CCNI: variants seen among roughly 807,000 people sequenced by gnomAD.
The protein encoded by CCNI is cyclin I.
A neutral mutation model predicts 34.1 loss-of-function variants in CCNI; 14 were observed. The observed-to-expected ratio is 0.41, with a 90% CI of 0.27 to 0.64. The LOEUF (loss-of-function observed/expected upper bound fraction) is 0.64. CCNI is among the 30% of genes least tolerant of loss of function. The pLI, the probability that CCNI is intolerant of heterozygous loss-of-function variation, is 0.31. For missense variants in CCNI, 385 were observed against 440.5 expected, an observed-to-expected ratio of 0.87 and a Z score of 1.13; for synonymous variants, 154 against 158.4, an observed-to-expected ratio of 0.97 and a Z score of 0.21.
chr4:77,063,933 AT>A (rs1223988825), intron 2 of CCNI, among the ~76,000 whole-genome samples: 4 of 151,984 alleles, frequency 2.6e-5, no homozygotes, highest in African/African-American at 9.7e-5. Context: ...ACCAGTATTC[AT>A]TAAATCACCT....
chr4:77,071,707 T>C (rs1382413133), intron 1 of CCNI, among the ~76,000 whole-genome samples: 1 of 152,112 alleles, frequency 6.6e-6, no homozygotes, highest in African/African-American at 2.4e-5. Context: ...TATAAAGGAA[T>C]TTATGAACAA....
chr4:77,069,284 G>A (rs1250178990), intron 1 of CCNI, among the ~76,000 whole-genome samples: 2 of 152,056 alleles, frequency 1.3e-5, no homozygotes, highest in African/African-American at 2.4e-5. Context: ...AGGCGTGGTG[G>A]CACGTGCCTG....
intron 1 of CCNI, 93 bp downstream of exon 1, chr4:77,075,379 A>T: frequency 2.5e-6 from 1 of 394,708 alleles, no homozygotes; most frequent in Non-Finnish European, 3.4e-6. Flanking sequence ...GGGCGCTGCC[A>T]CGGGGGCGGC....
At chr4:77,060,620 G>A (rs1176874346) in intron 2 of CCNI, among the ~76,000 whole-genome samples, 1 of 148,404 alleles carries the variant, frequency 6.7e-6, no homozygotes, top group East Asian at 2.0e-4. Flanking sequence ...CACCAGGCCC[G>A]GCTAATTTTT....
Position 77,055,357 on chromosome 4 carries a change from A to G in CCNI, c.483T>C (p.Thr161=). ...LHIFHAIAVS[T]RPQLLFSLPK... ...GCAAACTGAAAAGTAACTGAGGCCT[A>G]GTTGACACTGCAATGGCATGGAACT... The change falls in exon 6 of 7, where the codon ACT becomes ACC. Residue 161 remains threonine, a synonymous_variant. Transcript: ENST00000237654. The G allele has an allele frequency of 6.2e-7, 1 of 1,613,546 alleles. No homozygotes were observed. The highest frequency in any genetic ancestry group is 1.1e-5 in the South Asian group (1 of 91,054).
chr4:77,065,500 A>C (rs1728968540), intron 2 of CCNI, among the ~76,000 whole-genome samples: 1 of 152,256 alleles, frequency 6.6e-6, no homozygotes, highest in East Asian at 1.9e-4. Flanking sequence ...CCAGCTGGCT[A>C]TCTTCTAAAA....
chr4:77,055,540 G>A (rs533403332), intron 5 of CCNI, among the ~76,000 whole-genome samples, 160 bp from the exon 6 acceptor site: 105 of 148,372 alleles, frequency 7.1e-4, no homozygotes, highest in Middle Eastern at 3.5e-3. Flanking sequence ...TCAACTCACT[G>A]CAACATCCGC....
At position 77,047,963 on chromosome 4, in the gene CCNI, T is replaced by C; in HGVS notation, c.*256A>G. The C allele has an allele frequency of 3.0e-6, 1 of 335,184 alleles. No individual in the cohort carries two copies. Among genetic ancestry groups the C allele is most frequent in the South Asian group, 6.6e-5 (1 of 15,138 alleles). The allele number at this position is 335,184 out of a possible 1,614,324, so 20.8% of individuals were successfully genotyped here. A position where few individuals can be genotyped will look rare whatever the true frequency, so the allele number is the denominator to read the frequency against. ...CAGAAAAAAAGTGCAACTGACATACTACAAAGAGATTTTTTAAGTTTAAAA... is the reference window on the plus strand; with the variant it reads ...CAGAAAAAAAGTGCAACTGACATACCACAAAGAGATTTTTTAAGTTTAAAA... On this transcript the variant is annotated 3_prime_UTR_variant, in exon 7 of 7. Coordinates refer to ENST00000237654, the MANE Select transcript of CCNI (RefSeq NM_006835.3).
At chr4:77,059,222 C>T (rs529882243) in intron 2 of CCNI, among the ~76,000 whole-genome samples, 1 of 151,970 alleles carries the variant, frequency 6.6e-6, no homozygotes, top group East Asian at 1.9e-4. Flanking sequence ...TCCACAAACA[C>T]AAAACATTAT....
At chr4:77,073,994 CCT>C (rs1491423736) in intron 1 of CCNI, among the ~76,000 whole-genome samples, 5 of 141,388 alleles carry the variant, frequency 3.5e-5, no homozygotes, top group Non-Finnish European at 1.6e-5. Context: ...TGTGGAAAGC[CCT>C]TTTTTTCTAG....
At chr4:77,050,610 A>G (rs1016719909) in intron 6 of CCNI, among the ~76,000 whole-genome samples, 7 of 152,288 alleles carry the variant, frequency 4.6e-5, no homozygotes, top group Admixed American at 3.9e-4. Context: ...AAGGCATTAG[A>G]TAACACACTG....
chr4:77,055,402 TTTTAAC>T (rs1223268941), intron 5 of CCNI, 22 bp from the exon 6 acceptor site: 1 of 1,462,398 alleles, frequency 6.8e-7, no homozygotes, highest in Admixed American at 1.7e-5. Context: ...AAGAACATCA[TTTTAAC>T]TTTATTTAAA....
At chr4:77,063,176 A>C (rs1728737197) in intron 2 of CCNI, among the ~76,000 whole-genome samples, 1 of 152,146 alleles carries the variant, frequency 6.6e-6, no homozygotes, top group Admixed American at 6.5e-5. Flanking sequence ...AAATTAAACA[A>C]GAATTATGTG....
At chr4:77,053,417 C>G (rs1048119613) in intron 6 of CCNI, among the ~76,000 whole-genome samples, 1 of 152,050 alleles carries the variant, frequency 6.6e-6, no homozygotes, top group Non-Finnish European at 1.5e-5. Flanking sequence ...TGTCAAATCC[C>G]AGGTTTGCAA....
rs540058049 is a variant in CCNI at position 77,068,177 on chromosome 4, AAAACAAAC to A, written c.-43-1780_-43-1773del. 3.9e-5 allele frequency among the ~76,000 whole-genome samples: 6 copies of A among 152,114 alleles called. 1 individual carries two copies. The highest frequency in any genetic ancestry group is 3.9e-4 in the East Asian group (2 of 5,192). On this transcript the variant is annotated intron_variant, in intron 1 of 6. Transcript: ENST00000237654. Reference sequence around the variant, plus strand: ...TGGCGACAGAGCAAGACTCCGTCTCAAAACAAACAAACAAACAAACAAAAAAGAATGTG... The same window carrying A: ...TGGCGACAGAGCAAGACTCCGTCTCAAAACAAACAAACAAAAAAGAATGTG...
chr4:77,068,740 T>C (rs1022829866), intron 1 of CCNI, among the ~76,000 whole-genome samples: 3 of 148,234 alleles, frequency 2.0e-5, no homozygotes, highest in African/African-American at 7.9e-5. Context: ...AGTTCCAATT[T>C]TTTTAAAAAT....
chr4:77,054,946 G>A (rs4252906), intron 6 of CCNI, among the ~76,000 whole-genome samples: 179 of 152,064 alleles, frequency 1.2e-3, no homozygotes, highest in African/African-American at 4.2e-3. Flanking sequence ...ATGGTTAAAA[G>A]GAATCTTAAA....
intron 1 of CCNI, among the ~76,000 whole-genome samples, chr4:77,068,555 A>C (rs770157550): frequency 6.6e-5 from 10 of 152,214 alleles, no homozygotes; most frequent in Non-Finnish European, 8.8e-5. Flanking sequence ...TAACCTCTGC[A>C]GAGTAAGAAA....
Position 77,062,772 on chromosome 4 carries a change from T to C in CCNI, c.114+3477A>G, listed in dbSNP as rs149875834. On this transcript the variant is annotated intron_variant, in intron 2 of 6. Coordinates refer to ENST00000237654, the MANE Select transcript of CCNI (RefSeq NM_006835.3). ...ATCAAAAGCACTTTGGCAAAATAAA[T>C]TGAGAACATCTGAAAGTATGTGCCA... Among the ~76,000 whole-genome samples, 359 of 152,278 alleles carry C rather than the reference T, an allele frequency of 2.4e-3. 3 individuals are homozygous for C. The highest frequency in any genetic ancestry group is 8.0e-3 in the African/African-American group (334 of 41,576).
Sources: allele counts gnomAD v4.1 joint callset (sites outside exome capture counted in the v4.1 genomes callset), GRCh38; gene constraint gnomAD v4.1.1; transcripts MANE v1.5; gene names NCBI Gene and HGNC (gene_info 2026-07-23, HGNC 2026-07-21).